Variants in VWA3B observed in about 807,000 individuals in gnomAD.
VWA3B encodes the protein von Willebrand factor A domain containing 3B, also known as von Willebrand factor A domain-containing protein 3B.
A neutral mutation model predicts 158.3 loss-of-function variants in VWA3B; 138 were observed. The ratio of observed to expected loss-of-function variants is 0.87; its 90% CI spans 0.76 to 1.00. VWA3B has a LOEUF of 1.00. Ranked by LOEUF, VWA3B falls within the 50% of genes least tolerant of loss-of-function variation. The pLI, the probability that VWA3B is intolerant of heterozygous loss-of-function variation, is 0.00. For synonymous variants in VWA3B, 596 were observed against 587.3 expected, an observed-to-expected ratio of 1.01 and a Z score of -0.21; for missense variants, 1,555 against 1,565.1, an observed-to-expected ratio of 0.99 and a Z score of 0.11.
chr2:98,292,253 G>A (rs953756639), intron 23 of VWA3B: 7 of 151,992 alleles, frequency 4.6e-5, no homozygotes, highest in Admixed American at 1.3e-4. Context: ...AAAAGATTAC[G>A]TTGCAGATAC....
At chr2:98,171,974 G>A (rs1468219448) in intron 8 of VWA3B, among the ~76,000 whole-genome samples, 1 of 152,252 alleles carries the variant, frequency 6.6e-6, no homozygotes, top group African/African-American at 2.4e-5. Context: ...CAGATGGGCA[G>A]GCTGTGGGGT....
intron 8 of VWA3B, among the ~76,000 whole-genome samples, chr2:98,168,960 G>A (rs1679344768): frequency 6.6e-6 from 1 of 152,166 alleles, no homozygotes; most frequent in African/African-American, 2.4e-5. Flanking sequence ...CAAATTTGAT[G>A]AAAACTATAG....
At chr2:98,294,706 C>A (rs573823574) in intron 23 of VWA3B, among the ~76,000 whole-genome samples, 6 of 152,324 alleles carry the variant, frequency 3.9e-5, no homozygotes, top group African/African-American at 1.4e-4. Context: ...CTGCACTATG[C>A]CATAAGAAGA....
chr2:98,239,153 A>G (rs893021643), intron 19 of VWA3B, among the ~76,000 whole-genome samples: 1 of 152,214 alleles, frequency 6.6e-6, no homozygotes, highest in African/African-American at 2.4e-5. Context: ...TATTTACCCC[A>G]GCGAATTCAT....
intron 13 of VWA3B, among the ~76,000 whole-genome samples, chr2:98,215,474 T>C (rs1000403350): frequency 2.0e-5 from 3 of 151,354 alleles, no homozygotes; most frequent in African/African-American, 7.3e-5. Context: ...ACAAAAAAGA[T>C]GGAGTCAGAA....
intron 19 of VWA3B, among the ~76,000 whole-genome samples, chr2:98,244,253 A>G (rs926273601): frequency 2.0e-5 from 3 of 152,170 alleles, no homozygotes; most frequent in Non-Finnish European, 4.4e-5. Flanking sequence ...ATTCCTCCCA[A>G]TTGGGGGCAG....
intron 22 of VWA3B, among the ~76,000 whole-genome samples, chr2:98,282,262 T>A (rs1254076280): frequency 6.6e-6 from 1 of 151,130 alleles, no homozygotes; most frequent in African/African-American, 2.5e-5. Context: ...CTGGCCATTG[T>A]GCTTCATCTG....
At chr2:98,186,206 A>C (rs1164027383) in intron 9 of VWA3B, among the ~76,000 whole-genome samples, 6 of 123,002 alleles carry the variant, frequency 4.9e-5, no homozygotes, top group South Asian at 2.5e-4. Flanking sequence ...TTATCCTCCC[A>C]CCTCGCTGGC....
intron 22 of VWA3B, among the ~76,000 whole-genome samples, chr2:98,277,002 G>A (rs373632343): frequency 1.3e-5 from 2 of 152,192 alleles, no homozygotes; most frequent in East Asian, 3.8e-4. Context: ...GCCTGTGCCT[G>A]CTTTTTATGC....
intron 17 of VWA3B, 87 bp downstream of exon 17, chr2:98,234,854 G>A: frequency 1.3e-6 from 2 of 1,554,620 alleles, no homozygotes; most frequent in Non-Finnish European, 1.7e-6. Flanking sequence ...GATATGTTGG[G>A]GAAATCATAT....
chr2:98,245,568 C>T (rs1308892114), intron 19 of VWA3B: 13 of 456,746 alleles, frequency 2.8e-5, no homozygotes, highest in Admixed American at 1.4e-4. Context: ...ACAATGGCCA[C>T]GAAAGGCATG....
chr2:98,252,477 T>C (rs62156728), intron 20 of VWA3B, among the ~76,000 whole-genome samples: 5,913 of 152,192 alleles, frequency 0.039, 171 homozygotes, highest in Middle Eastern at 0.075. Context: ...AGATAGAGCT[T>C]CGTGGTCAGA....
intron 12 of VWA3B, among the ~76,000 whole-genome samples, chr2:98,197,461 T>G (rs1368721382): frequency 1.3e-5 from 2 of 152,232 alleles, no homozygotes; most frequent in African/African-American, 4.8e-5. Context: ...CTTAAGCTTT[T>G]GCCCACAATT....
Position 98,093,132 on chromosome 2 carries a change from CA to C in VWA3B, c.41del (p.Gln14ArgfsTer37). The C allele has an allele frequency of 6.2e-7, 1 of 1,613,970 alleles. No individual in the cohort carries two copies. The highest frequency in any genetic ancestry group is 8.5e-7 in the Non-Finnish European group (1 of 1,179,926). ...SGPSSTISEQ[Q>X]LQRQEGWINT... is the part of the protein sequence containing the mutation. ...CCCATCTTCTACCATCTCTGAGCAG[CA>C]GCTGCAGAGGCAAGAGGGATGGATT... On this transcript the variant is annotated frameshift_variant, in exon 2 of 28. Coordinates refer to ENST00000477737, the MANE Select transcript of VWA3B (RefSeq NM_144992.5). LOFTEE classifies it high-confidence loss of function.
chr2:98,214,394 C>G (rs1047557213), intron 13 of VWA3B, among the ~76,000 whole-genome samples: 1 of 151,954 alleles, frequency 6.6e-6, no homozygotes, highest in Non-Finnish European at 1.5e-5. Context: ...AAAACTTGTA[C>G]CTTAAAGCTA....
At chr2:98,324,425 A>G in the VWA3B span, among the ~76,000 whole-genome samples, 1 of 152,188 alleles carries the variant, frequency 6.6e-6, no homozygotes, top group Admixed American at 6.5e-5. Context: ...AGCTTCCCAG[A>G]GTGCTGGGAT....
intron 7 of VWA3B, among the ~76,000 whole-genome samples, chr2:98,160,573 G>T (rs558817891): frequency 6.1e-4 from 93 of 152,312 alleles, no homozygotes; most frequent in African/African-American, 2.0e-3. Context: ...ACCCTGCCCT[G>T]TGGTGTACTC....
At position 98,092,037 on chromosome 2, in the gene VWA3B, A is replaced by G. The variant is rs1414998270; in HGVS notation, c.-32-1024A>G. Among the ~76,000 whole-genome samples, 9 of 152,358 alleles carry G rather than the reference A, an allele frequency of 5.9e-5. 1 individual carries two copies. The highest frequency in any genetic ancestry group is 3.3e-4 in the Admixed American group (5 of 15,312). On this transcript the variant is annotated intron_variant, in intron 1 of 27. Coordinates refer to ENST00000477737, the MANE Select transcript of VWA3B (RefSeq NM_144992.5). ...GGCCTTGGGTCCAGTTGATCCCAGAACAGATGGCTACATGGGCCAGAATGC... is the reference window on the plus strand; with the variant it reads ...GGCCTTGGGTCCAGTTGATCCCAGAGCAGATGGCTACATGGGCCAGAATGC...
intron 7 of VWA3B, among the ~76,000 whole-genome samples, chr2:98,154,154 G>A (rs1037012347): frequency 1.3e-5 from 2 of 152,172 alleles, no homozygotes; most frequent in Non-Finnish European, 2.9e-5. Context: ...GAGCCACCGC[G>A]CCCAGCAGGA....
Sources: allele counts gnomAD v4.1 joint callset (sites outside exome capture counted in the v4.1 genomes callset), GRCh38; gene constraint gnomAD v4.1.1; transcripts MANE v1.5; gene names NCBI Gene and HGNC (gene_info 2026-07-23, HGNC 2026-07-21).